The following WWOX variants were observed in gnomAD, a reference collection of about 807,000 sequenced individuals.
WWOX encodes the protein WW domain containing oxidoreductase, also known as WW domain-containing oxidoreductase.
In WWOX, 69 loss-of-function variants were observed where a neutral mutation model predicts 46.2. That is an observed-to-expected ratio of 1.49 (90% CI 1.23 to 1.82). The LOEUF (loss-of-function observed/expected upper bound fraction) is 1.82. WWOX is among the 40% of genes most tolerant of loss of function. WWOX has a pLI of 0.00. For synonymous variants in WWOX, 359 were observed against 202.6 expected (o/e 1.77, Z -6.56); for missense variants, 919 against 542.6 (o/e 1.69, Z -6.89).
chr16:78,935,434 G>C (rs1277808076), intron 8 of WWOX, among the ~76,000 whole-genome samples: 1 of 152,116 alleles, frequency 6.6e-6, no homozygotes, highest in East Asian at 1.9e-4. Context: ...ATAAAAAAAG[G>C]ATGAGTTCAT....
At chr16:78,393,063 G>A (rs2082210417) in intron 6 of WWOX, among the ~76,000 whole-genome samples, 1 of 152,124 alleles carries the variant, frequency 6.6e-6, no homozygotes, top group African/African-American at 2.4e-5. Context: ...CACCCAAACT[G>A]GCTTGTGAGG....
chr16:79,002,387 C>G (rs111929059), intron 8 of WWOX, among the ~76,000 whole-genome samples: 4,907 of 151,962 alleles, frequency 0.032, 260 homozygotes, highest in African/African-American at 0.11. Context: ...CCATGCCCGG[C>G]TAGTTTTTGT....
rs146870980 is a variant in WWOX, at chr16:79,080,439, A to C, written c.1057-131169A>C. On this transcript the variant is annotated intron_variant, in intron 8 of 8. Transcript: ENST00000566780. ...TGCCTAACACTGAATCCCAAATCCAAATTCCTGGGAGATAGAATTCAATTC... is the reference window on the plus strand; with the variant it reads ...TGCCTAACACTGAATCCCAAATCCACATTCCTGGGAGATAGAATTCAATTC... 8.5e-5 allele frequency among the ~76,000 whole-genome samples: 13 copies of C among 152,226 alleles called. No homozygotes were observed. In the East Asian group the frequency reaches 2.5e-3, roughly 29 times the overall value.
chr16:78,645,494 T>A (rs1213414948), intron 8 of WWOX, among the ~76,000 whole-genome samples: 1 of 152,160 alleles, frequency 6.6e-6, no homozygotes, highest in African/African-American at 2.4e-5. Context: ...TTCTGCAGGA[T>A]GTCCAAGAAG....
chr16:79,050,849 G>C (rs1201127601), intron 8 of WWOX, among the ~76,000 whole-genome samples: 2 of 152,184 alleles, frequency 1.3e-5, no homozygotes, highest in Non-Finnish European at 2.9e-5. Context: ...TAAACTTCTT[G>C]CACTGAGCTT....
intron 3 of WWOX, among the ~76,000 whole-genome samples, chr16:78,111,161 A>G (rs746353409): frequency 7.2e-5 from 11 of 152,178 alleles, no homozygotes; most frequent in Non-Finnish European, 1.3e-4. Flanking sequence ...TGCCTGTAAC[A>G]TAACATCTAC....
intron 8 of WWOX, among the ~76,000 whole-genome samples, chr16:78,995,409 G>A (rs1325822122): frequency 1.3e-5 from 2 of 152,108 alleles, no homozygotes; most frequent in East Asian, 3.9e-4. Context: ...AAGATGAAAA[G>A]AAAGCCTTCC....
intron 8 of WWOX, among the ~76,000 whole-genome samples, chr16:79,042,315 A>T (rs2047986751): frequency 6.6e-6 from 1 of 151,986 alleles, no homozygotes; most frequent in Non-Finnish European, 1.5e-5. Context: ...ACCTTCCCTG[A>T]CCTTTTGGCT....
chr16:78,855,376 G>C (rs1365195571), intron 8 of WWOX, among the ~76,000 whole-genome samples: 1 of 152,072 alleles, frequency 6.6e-6, no homozygotes, highest in Non-Finnish European at 1.5e-5. Flanking sequence ...AAAATTGTAT[G>C]TTGCGGGGAG....
At chr16:78,146,493 C>T (rs571624223) in intron 4 of WWOX, among the ~76,000 whole-genome samples, 3 of 152,314 alleles carry the variant, frequency 2.0e-5, no homozygotes, top group South Asian at 4.1e-4. Context: ...GAAGCTCCTC[C>T]GTGCATCCCT....
chr16:78,825,896 G>A lies in WWOX; in HGVS notation c.1057-385712G>A, dbSNP rs1047964709. ...CCCTAAGAAGCCTCTGCCTGACCAC[G>A]TGAGCATCATGGAACCCAAAGATGA... On this transcript the variant is annotated intron_variant, in intron 8 of 8. Coordinates refer to ENST00000566780, the MANE Select transcript of WWOX (RefSeq NM_016373.4). 10 of 695,346 alleles carry A rather than the reference G, an allele frequency of 1.4e-5. No homozygotes were observed. In the Admixed American group the frequency reaches 1.5e-4, roughly 10 times the overall value. 43.1% of individuals were successfully genotyped at this position (695,346 alleles called of 1,614,324 possible).
At chr16:78,818,785 T>C (rs12445110) in intron 8 of WWOX, among the ~76,000 whole-genome samples, 23,290 of 152,260 alleles carry the variant, frequency 0.15, 1,914 homozygotes, top group Non-Finnish European at 0.18. Context: ...TTTCGTCTTT[T>C]CTGAATTGGA....
intron 8 of WWOX, among the ~76,000 whole-genome samples, chr16:78,626,209 C>T (rs1239870174): frequency 3.3e-5 from 5 of 152,054 alleles, no homozygotes; most frequent in Middle Eastern, 3.4e-3. Context: ...TGGCTCACTG[C>T]AACCTCCGCC....
intron 5 of WWOX, among the ~76,000 whole-genome samples, chr16:78,168,732 CT>C (rs1213597727): frequency 6.6e-6 from 1 of 152,144 alleles, no homozygotes; most frequent in African/African-American, 2.4e-5. Context: ...CCTGTCGTCT[CT>C]TTATATTCAA....
intron 8 of WWOX, among the ~76,000 whole-genome samples, chr16:79,039,437 C>A (rs918639816): frequency 6.6e-6 from 1 of 152,168 alleles, no homozygotes; most frequent in East Asian, 1.9e-4. Context: ...ACAGGAGGAG[C>A]AGCTTCCTCC....
At chr16:78,416,325 A>C (rs1005911746) in intron 6 of WWOX, among the ~76,000 whole-genome samples, 4 of 152,202 alleles carry the variant, frequency 2.6e-5, no homozygotes, top group Non-Finnish European at 4.4e-5. Context: ...AGTGAGGCAA[A>C]AGTAATTCTT....
At chr16:78,841,223 T>A (rs1054673638) in intron 8 of WWOX, among the ~76,000 whole-genome samples, 1 of 152,248 alleles carries the variant, frequency 6.6e-6, no homozygotes, top group Non-Finnish European at 1.5e-5. Context: ...TGTGGTGTTT[T>A]GTTCCAGTCT....
intron 8 of WWOX, among the ~76,000 whole-genome samples, chr16:78,656,813 A>T (rs1004620722): frequency 2.6e-5 from 4 of 152,158 alleles, no homozygotes; most frequent in Admixed American, 2.0e-4. Flanking sequence ...TTGCTCTGAC[A>T]CAGAAGACTG....
intron 8 of WWOX, among the ~76,000 whole-genome samples, chr16:78,548,665 C>T (rs1007901276): frequency 6.6e-6 from 1 of 152,164 alleles, no homozygotes; most frequent in African/African-American, 2.4e-5. Context: ...ATCCGCCTGC[C>T]ACAGAAGTGA....
Sources: allele counts gnomAD v4.1 joint callset (sites outside exome capture counted in the v4.1 genomes callset), GRCh38; gene constraint gnomAD v4.1.1; transcripts MANE v1.5; gene names NCBI Gene and HGNC (gene_info 2026-07-23, HGNC 2026-07-21).